Variants in MSL2 observed in about 807,000 individuals in gnomAD.
MSL2 encodes E3 ubiquitin-protein ligase MSL2.
MSL2 carries 2 observed loss-of-function variants against 35.8 expected under a neutral mutation model. The ratio of observed to expected loss-of-function variants is 0.06; its 90% CI spans 0.02 to 0.18. The LOEUF is 0.18. MSL2 is among the 10% of genes least tolerant of loss of function. MSL2 has a pLI of 1.00. For synonymous variants in MSL2, 296 were observed against 255.7 expected (o/e 1.16, Z -1.50); for missense variants, 523 against 706.7 (o/e 0.74, Z 2.95).
chr3:136,160,811 G>C (rs148482948), intron 1 of MSL2, among the ~76,000 whole-genome samples: 1 of 151,954 alleles, frequency 6.6e-6, no homozygotes, highest in Non-Finnish European at 1.5e-5. Context: ...ATGACCAGCC[G>C]GGCACAGTGG....
chr3:136,186,455 CAGCAGGAAGTG>C (rs763618214), intron 1 of MSL2, among the ~76,000 whole-genome samples: 8 of 152,206 alleles, frequency 5.3e-5, no homozygotes, highest in African/African-American at 7.2e-5. Context: ...CCAGGCTGCA[CAGCAGGAAGTG>C]AGCAGGAAGT....
At chr3:136,173,619 C>A (rs1027212315) in intron 1 of MSL2, among the ~76,000 whole-genome samples, 5 of 152,098 alleles carry the variant, frequency 3.3e-5, no homozygotes, top group African/African-American at 1.2e-4. Context: ...TTAGTTCAAC[C>A]TTCATCATTG....
At chr3:136,169,520 C>T (rs1939957336) in intron 1 of MSL2, among the ~76,000 whole-genome samples, 1 of 152,088 alleles carries the variant, frequency 6.6e-6, no homozygotes, top group African/African-American at 2.4e-5. Flanking sequence ...ATAATCTGGG[C>T]TCACTGCAAC....
intron 1 of MSL2, among the ~76,000 whole-genome samples, chr3:136,155,243 G>A (rs1298365339): frequency 1.3e-5 from 2 of 151,300 alleles, no homozygotes; most frequent in Non-Finnish European, 2.9e-5. Context: ...GGTGGCTCAT[G>A]CTTGTAATCC....
At chr3:136,174,357 T>C (rs1205989151) in intron 1 of MSL2, among the ~76,000 whole-genome samples, 2 of 152,196 alleles carry the variant, frequency 1.3e-5, no homozygotes, top group Non-Finnish European at 2.9e-5. Context: ...ATTCCCAGCC[T>C]AGAATTATTT....
chr3:136,172,532 T>C (rs1038432949), intron 1 of MSL2, among the ~76,000 whole-genome samples: 8 of 152,214 alleles, frequency 5.3e-5, no homozygotes, highest in Non-Finnish European at 7.3e-5. Context: ...ATCCCAAATG[T>C]AGTGGGCACT....
In MSL2 at chr3:136,150,568, G is replaced by A. The variant is rs570475919; in HGVS notation, c.*579C>T. The A allele has an allele frequency of 2.0e-5, 3 of 152,804 alleles. No homozygotes were observed. The highest frequency in any genetic ancestry group is 2.0e-4 in the Admixed American group (3 of 15,306). 9.5% of individuals were successfully genotyped at this position (152,804 alleles called of 1,614,324 possible). The stretch of plus-strand genomic sequence containing the variant: ...AAAAAGATTTCTTAAACATTCTAAT[G>A]AGGGGGAATTTTTTTTCATAATACT... On this transcript the variant is annotated 3_prime_UTR_variant, in exon 2 of 2. Coordinates refer to ENST00000309993, the MANE Select transcript of MSL2 (RefSeq NM_018133.4).
intron 1 of MSL2, among the ~76,000 whole-genome samples, chr3:136,159,844 G>A (rs1939650489): frequency 6.6e-6 from 1 of 152,122 alleles, no homozygotes; most frequent in African/African-American, 2.4e-5. Context: ...GAAAATCTTT[G>A]TAACTTTCTA....
chr3:136,172,417 C>T (rs926554754), intron 1 of MSL2, among the ~76,000 whole-genome samples: 4 of 152,142 alleles, frequency 2.6e-5, no homozygotes, highest in African/African-American at 9.7e-5. Context: ...CTCTCTCTCA[C>T]TTCCACCTTC....
chr3:136,192,206 T>G (rs916970005), intron 1 of MSL2, among the ~76,000 whole-genome samples: 4 of 152,242 alleles, frequency 2.6e-5, no homozygotes, highest in Admixed American at 2.0e-4. Context: ...GGAGTTTCAC[T>G]CTGTTGCCCA....
rs150332441 is a variant in MSL2, at chr3:136,151,258, G to A, written c.1623C>T (p.Thr541=). ...CTGTGACATTTATTACACTGGTGCT[G>A]GTACTAGCGTTACGCACAGCAATGC... is the stretch of plus-strand genomic sequence containing the variant. The part of the protein sequence containing the change: ...VTSIAVRNAS[T]STSVINVTGS... The change falls in exon 2 of 2, where the codon ACC becomes ACT. Residue 541 remains threonine, a synonymous_variant. Transcript: ENST00000309993. The surrounding 1 kb of genome is among the most constrained non-coding windows in gnomAD (Gnocchi z 5.2). 17 of 1,614,192 alleles carry A rather than the reference G, an allele frequency of 1.1e-5. No homozygotes were observed. The East Asian group carries it at 2.2e-4, about 21-fold the overall frequency.
intron 1 of MSL2, among the ~76,000 whole-genome samples, chr3:136,179,218 CCTCT>C (rs1196343350): frequency 6.6e-6 from 1 of 151,478 alleles, no homozygotes; most frequent in Non-Finnish European, 1.5e-5. Flanking sequence ...CAGAGTACTC[CCTCT>C]ATCGCCCAGG....
chr3:136,194,356 T>G, intron 1 of MSL2: 1 of 963,022 alleles, frequency 1.0e-6, no homozygotes, highest in Non-Finnish European at 1.2e-6. Context: ...CAAAGTATAT[T>G]AAACCACAAA....
chr3:136,176,377 TGGG>T (rs34022314), intron 1 of MSL2, among the ~76,000 whole-genome samples: 1 of 151,092 alleles, frequency 6.6e-6, no homozygotes, highest in Non-Finnish European at 1.5e-5. Context: ...TAGCAGGACA[TGGG>T]GGCATGCACC....
chr3:136,168,070 G>C (rs979249716), intron 1 of MSL2, among the ~76,000 whole-genome samples: 3 of 152,068 alleles, frequency 2.0e-5, no homozygotes, highest in African/African-American at 7.2e-5. Flanking sequence ...AAAGCGGCCA[G>C]AGAAACTCAT....
intron 1 of MSL2, among the ~76,000 whole-genome samples, chr3:136,161,942 A>T (rs1017090534): frequency 7.4e-5 from 11 of 149,404 alleles, no homozygotes; most frequent in African/African-American, 2.0e-4. Flanking sequence ...ATATATATGC[A>T]TTTTTTTTTT....
In MSL2 at chr3:136,149,908, TATTTC is replaced by T. The variant is rs201902551; in HGVS notation, c.*1234_*1238del. ...GCAGCTCTTCTTTTAAATCACAGGT[TATTTC>T]ATTACACCTAGTCAGTCCTTGTTTT... On this transcript the variant is annotated 3_prime_UTR_variant, in exon 2 of 2. Transcript: ENST00000309993. The T allele has an allele frequency of 4.8e-3, 739 of 152,738 alleles. 7 individuals carry two copies. Among genetic ancestry groups the T allele is most frequent in the African/African-American group, 0.017 (701 of 41,576 alleles). 9.5% of individuals were successfully genotyped at this position (152,738 alleles called of 1,614,324 possible).
At chr3:136,176,540 T>G (rs989287709) in intron 1 of MSL2, among the ~76,000 whole-genome samples, 1 of 138,316 alleles carries the variant, frequency 7.2e-6, no homozygotes, top group African/African-American at 2.9e-5. Flanking sequence ...AAAAAAAAAC[T>G]TTTCGGCTGG....
chr3:136,186,710 C>T (rs1215748224), intron 1 of MSL2, among the ~76,000 whole-genome samples: 8 of 152,142 alleles, frequency 5.3e-5, no homozygotes, highest in Non-Finnish European at 1.2e-4. Flanking sequence ...ACGCTCAGGG[C>T]TCCCACTAAT....
Sources: allele counts gnomAD v4.1 joint callset (sites outside exome capture counted in the v4.1 genomes callset), GRCh38; gene constraint gnomAD v4.1.1; non-coding constraint Gnocchi (gnomAD v3.1); transcripts MANE v1.5; gene names NCBI Gene and HGNC (gene_info 2026-07-23, HGNC 2026-07-21).